PTPRD: variants seen among roughly 807,000 people sequenced by gnomAD.
PTPRD encodes the protein protein tyrosine phosphatase receptor type D, also known as receptor-type tyrosine-protein phosphatase delta.
PTPRD carries 34 observed loss-of-function variants against 214.5 expected under a neutral mutation model. The observed-to-expected ratio is 0.16, with a 90% CI of 0.12 to 0.21. The LOEUF is 0.21. PTPRD is among the 10% of genes least tolerant of loss of function. The probability of loss-of-function intolerance (pLI) is 1.00; values close to 1 mark genes in which losing one functional copy is unlikely to be tolerated. For missense variants in PTPRD, 2,545 were observed against 2,398.7 expected, an observed-to-expected ratio of 1.06 and a Z score of -1.27; for synonymous variants, 1,128 against 845.7, an observed-to-expected ratio of 1.33 and a Z score of -5.79.
At chr9:8,336,851 A>T (rs924971591) in intron 43 of PTPRD, among the ~76,000 whole-genome samples, 2 of 151,240 alleles carry the variant, frequency 1.3e-5, no homozygotes, top group East Asian at 3.9e-4. Flanking sequence ...ATATGAAAAA[A>T]TGCTATCACT....
intron 19 of PTPRD, among the ~76,000 whole-genome samples, chr9:8,522,275 A>G (rs2097906701): frequency 6.6e-6 from 1 of 152,216 alleles, no homozygotes; most frequent in African/African-American, 2.4e-5. Flanking sequence ...AATGGCTGGA[A>G]TCCAAGACAG....
At chr9:8,732,958 T>C (rs1015656011) in intron 12 of PTPRD, among the ~76,000 whole-genome samples, 112 of 152,196 alleles carry the variant, frequency 7.4e-4, no homozygotes, top group African/African-American at 2.6e-3. Flanking sequence ...CTAACTCATG[T>C]ATGAACTAAA....
chr9:9,949,504 G>C (rs1015048541), intron 4 of PTPRD, among the ~76,000 whole-genome samples: 5 of 151,818 alleles, frequency 3.3e-5, no homozygotes, highest in African/African-American at 1.2e-4. Flanking sequence ...CTTCTTCTTT[G>C]CAACAGCCCT....
intron 4 of PTPRD, among the ~76,000 whole-genome samples, chr9:9,951,522 T>C (rs1336010456): frequency 6.6e-6 from 1 of 152,210 alleles, no homozygotes; most frequent in African/African-American, 2.4e-5. Flanking sequence ...CCCTAAATTC[T>C]TCTGAATCCT....
chr9:8,706,138 TCTC>T (rs2098202076), intron 12 of PTPRD, among the ~76,000 whole-genome samples: 1 of 151,968 alleles, frequency 6.6e-6, no homozygotes, highest in Non-Finnish European at 1.5e-5. Context: ...CTTCCACAAT[TCTC>T]CTCAAGAGAA....
At chr9:10,389,498 C>T (rs1161551933) in intron 2 of PTPRD, among the ~76,000 whole-genome samples, 1 of 151,862 alleles carries the variant, frequency 6.6e-6, no homozygotes, top group Non-Finnish European at 1.5e-5. Context: ...TAACTGTTCC[C>T]TTTGTTTCAC....
At chr9:9,203,019 A>C (rs1050505546) in intron 9 of PTPRD, among the ~76,000 whole-genome samples, 1 of 152,146 alleles carries the variant, frequency 6.6e-6, no homozygotes, top group African/African-American at 2.4e-5. Context: ...CTTGAGCTCT[A>C]AACATCTATT....
chr9:8,715,814 A>C (rs1176187610), intron 12 of PTPRD, among the ~76,000 whole-genome samples: 1 of 152,250 alleles, frequency 6.6e-6, no homozygotes, highest in Admixed American at 6.5e-5. Flanking sequence ...AGACAATTAC[A>C]ACAAAATAGA....
chr9:10,476,112 T>A (rs1321344239), intron 2 of PTPRD, among the ~76,000 whole-genome samples: 2 of 152,118 alleles, frequency 1.3e-5, no homozygotes, highest in East Asian at 3.9e-4. Flanking sequence ...CTATTCAACA[T>A]AGTTTTTGAA....
intron 9 of PTPRD, among the ~76,000 whole-genome samples, chr9:9,356,444 A>G (rs77773296): frequency 1.3e-5 from 2 of 151,236 alleles, no homozygotes; most frequent in African/African-American, 4.8e-5. Context: ...AAACAAACCA[A>G]GTGAAATGCA....
At chr9:9,601,637 C>A (rs2093777241) in intron 7 of PTPRD, among the ~76,000 whole-genome samples, 1 of 151,914 alleles carries the variant, frequency 6.6e-6, no homozygotes, top group Admixed American at 6.6e-5. Context: ...ATTCTTAATA[C>A]AAGATATATG....
chr9:10,219,882 T>C (rs1279999282), intron 3 of PTPRD, among the ~76,000 whole-genome samples: 3 of 151,754 alleles, frequency 2.0e-5, no homozygotes, highest in Non-Finnish European at 4.4e-5. Flanking sequence ...AAGATTCATT[T>C]CATAAATACA....
intron 44 of PTPRD, 94 bp from the exon 45 acceptor site, chr9:8,320,060 A>G (rs1825815515): frequency 6.9e-7 from 1 of 1,448,494 alleles, no homozygotes; most frequent in Non-Finnish European, 9.3e-7. Flanking sequence ...CAGCTTCCAC[A>G]CTCCGTATCT....
intron 3 of PTPRD, among the ~76,000 whole-genome samples, chr9:10,105,272 T>C (rs531021720): frequency 1.3e-5 from 2 of 151,992 alleles, no homozygotes; most frequent in South Asian, 4.1e-4. Context: ...ATCACATTAA[T>C]TCATCTTGAA....
At chr9:9,883,622 CA>C (rs1317387722) in intron 5 of PTPRD, among the ~76,000 whole-genome samples, 2 of 152,106 alleles carry the variant, frequency 1.3e-5, no homozygotes, top group Non-Finnish European at 2.9e-5. Flanking sequence ...TCTGCTCTTT[CA>C]AAAGTAAAGC....
intron 3 of PTPRD, among the ~76,000 whole-genome samples, chr9:10,219,462 A>T (rs1050242898): frequency 4.6e-4 from 70 of 151,602 alleles, no homozygotes; most frequent in Non-Finnish European, 6.9e-4. Context: ...AATTGGGTTT[A>T]CCCCCTTCTG....
intron 4 of PTPRD, among the ~76,000 whole-genome samples, chr9:9,940,216 T>G (rs1191938107): frequency 6.6e-6 from 1 of 152,122 alleles, no homozygotes; most frequent in Non-Finnish European, 1.5e-5. Flanking sequence ...AGCAATGATC[T>G]TGGTTTGGGA....
At chr9:8,594,631 A>G (rs1413262422) in intron 14 of PTPRD, among the ~76,000 whole-genome samples, 1 of 151,824 alleles carries the variant, frequency 6.6e-6, no homozygotes, top group Non-Finnish European at 1.5e-5. Context: ...TCCTCACAAG[A>G]TCATGGTTTT....
intron 14 of PTPRD, among the ~76,000 whole-genome samples, chr9:8,593,315 T>C (rs771406088): frequency 1.3e-5 from 2 of 152,206 alleles, no homozygotes; most frequent in African/African-American, 2.4e-5. Context: ...ATTCATAATA[T>C]ATCTATGGTC....
Sources: gnomAD v4.1 joint callset for allele counts (sites outside exome capture counted in the v4.1 genomes callset) on GRCh38, gnomAD v4.1.1 for gene constraint, MANE v1.5 for transcripts, NCBI Gene and HGNC (gene_info 2026-07-23, HGNC 2026-07-21) for gene names.